The following TECPR2 variants were observed in gnomAD, a reference collection of about 807,000 sequenced individuals.
TECPR2 encodes tectonin beta-propeller repeat-containing protein 2.
A neutral mutation model predicts 138.1 loss-of-function variants in TECPR2; 65 were observed. The observed-to-expected ratio is 0.47, with a 90% CI of 0.39 to 0.58. The LOEUF (loss-of-function observed/expected upper bound fraction) is 0.58. TECPR2 is among the 20% of genes least tolerant of loss of function. TECPR2 has a pLI of 0.00. For synonymous variants in TECPR2, 746 were observed against 749.8 expected (o/e 0.99, Z 0.08); for missense variants, 1,553 against 1,824.5 (o/e 0.85, Z 2.71).
intron 8 of TECPR2, among the ~76,000 whole-genome samples, chr14:102,433,722 A>G (rs878887602): frequency 1.3e-5 from 2 of 151,960 alleles, no homozygotes; most frequent in Admixed American, 6.6e-5. Flanking sequence ...GGGGTTTACC[A>G]TGTTGGACAG....
intron 16 of TECPR2, among the ~76,000 whole-genome samples, chr14:102,454,006 G>A (rs1890217308): frequency 6.6e-6 from 1 of 152,004 alleles, no homozygotes; most frequent in South Asian, 2.1e-4. Context: ...AAAATTACCT[G>A]GGTGTGGTGG....
At chr14:102,488,357 G>C in intron 17 of TECPR2, among the ~76,000 whole-genome samples, 1 of 130,878 alleles carries the variant, frequency 7.6e-6, no homozygotes, top group African/African-American at 2.9e-5. Flanking sequence ...TTATTTTTTT[G>C]ATACGTAGTT....
At chr14:102,434,101 G>C in intron 8 of TECPR2, 134 bp from the exon 9 acceptor site, 1 of 743,584 alleles carries the variant, frequency 1.3e-6, no homozygotes, top group Non-Finnish European at 1.9e-6. Context: ...TTGTACTTAA[G>C]AGGTTTATTC....
At chr14:102,452,929 T>TGCCC (rs1890184930) in intron 16 of TECPR2, among the ~76,000 whole-genome samples, 2 of 152,300 alleles carry the variant, frequency 1.3e-5, no homozygotes, top group South Asian at 4.1e-4. Context: ...GTGATGCAGC[T>TGCCC]GCCCCGTCAG....
chr14:102,462,906 C>T (rs1175698656), intron 16 of TECPR2, among the ~76,000 whole-genome samples: 1 of 152,206 alleles, frequency 6.6e-6, no homozygotes, highest in African/African-American at 2.4e-5. Context: ...TGAACAGGCA[C>T]TTCACAAAAG....
At chr14:102,446,260 G>T (rs931745405) in intron 13 of TECPR2, among the ~76,000 whole-genome samples, 2 of 151,890 alleles carry the variant, frequency 1.3e-5, no homozygotes, top group Admixed American at 6.6e-5. Flanking sequence ...GTAGAGACAG[G>T]GTTTTGGCAT....
chr14:102,457,634 C>T (rs1367334246), intron 16 of TECPR2, among the ~76,000 whole-genome samples: 1 of 152,072 alleles, frequency 6.6e-6, no homozygotes, highest in African/African-American at 2.4e-5. Context: ...GTGGCTTACA[C>T]CTGTAATCCT....
chr14:102,453,486 A>C (rs944330713), intron 16 of TECPR2, among the ~76,000 whole-genome samples: 15 of 152,110 alleles, frequency 9.9e-5, no homozygotes, highest in African/African-American at 2.9e-4. Context: ...TTTCAAAAAA[A>C]AAAAAAGAAG....
At chr14:102,363,645 G>T (rs1328853494) in intron 1 of TECPR2, among the ~76,000 whole-genome samples, 2 of 152,266 alleles carry the variant, frequency 1.3e-5, no homozygotes, top group Non-Finnish European at 2.9e-5. Context: ...GGCAGAATAG[G>T]TAGTAAGTGT....
At chr14:102,465,431 C>G in intron 17 of TECPR2, 142 bp downstream of exon 17, 5 of 1,420,946 alleles carry the variant, frequency 3.5e-6, no homozygotes, top group African/African-American at 2.9e-5. Flanking sequence ...TCTACACACT[C>G]TCGTTCATCA....
chr14:102,431,534 G>C (rs1049385498), intron 7 of TECPR2, among the ~76,000 whole-genome samples: 2 of 152,016 alleles, frequency 1.3e-5, no homozygotes, highest in African/African-American at 4.8e-5. Context: ...AGTAGAGACG[G>C]GGTTTCACTG....
At chr14:102,390,803 AAT>A (rs10570260) in intron 2 of TECPR2, among the ~76,000 whole-genome samples, 52,041 of 148,254 alleles carry the variant, frequency 0.35, 8,991 homozygotes, top group Middle Eastern at 0.4. Context: ...TCAGGGGAAG[AAT>A]ATATATATAT....
intron 17 of TECPR2, among the ~76,000 whole-genome samples, chr14:102,486,688 C>T (rs1343191656): frequency 6.6e-6 from 1 of 152,220 alleles, no homozygotes; most frequent in Non-Finnish European, 1.5e-5. Context: ...CCATACCCAC[C>T]TCGTACCACG....
chr14:102,408,574 A>G lies in TECPR2; in HGVS notation c.435A>G (p.Gly145=). ...CCAATGGAATGAAATTGTTCTCTGG[A>G]GATGACAAAGGCAAAATTGTTTATT... ...WSPNGMKLFS[G]DDKGKIVYSS... is the part of the protein sequence containing the mutation. Residue 145 remains glycine (G), a synonymous_variant, in exon 4 of 20, where the codon GGA becomes GGG. Coordinates refer to ENST00000359520, the MANE Select transcript of TECPR2 (RefSeq NM_014844.5). 1.2e-6 allele frequency: 2 copies of G among 1,613,490 alleles called. No homozygotes were observed. The highest frequency in any genetic ancestry group is 1.7e-6 in the Non-Finnish European group (2 of 1,179,842).
intron 17 of TECPR2, among the ~76,000 whole-genome samples, chr14:102,490,551 C>T (rs997320893): frequency 2.6e-5 from 4 of 152,234 alleles, no homozygotes; most frequent in Non-Finnish European, 4.4e-5. Context: ...GAGGCGCCTT[C>T]CCGAGTCACC....
chr14:102,394,629 A>T (rs1294254683), intron 2 of TECPR2, among the ~76,000 whole-genome samples: 1 of 152,062 alleles, frequency 6.6e-6, no homozygotes, highest in Non-Finnish European at 1.5e-5. Context: ...AAATTAGTTA[A>T]CCTGTCTGGA....
At chr14:102,456,018 TG>T (rs1310168649) in intron 16 of TECPR2, among the ~76,000 whole-genome samples, 11 of 152,120 alleles carry the variant, frequency 7.2e-5, no homozygotes, top group African/African-American at 2.4e-4. Context: ...CCTCCCAACG[TG>T]CTGGGATTAC....
intron 15 of TECPR2, among the ~76,000 whole-genome samples, chr14:102,451,624 CGT>C (rs1458405401): frequency 1.3e-5 from 2 of 152,066 alleles, no homozygotes; most frequent in African/African-American, 4.8e-5. Flanking sequence ...CTGGCCCCTC[CGT>C]GGTTGTTTTG....
At chr14:102,365,723 G>A (rs936311143) in intron 1 of TECPR2, among the ~76,000 whole-genome samples, 1 of 152,186 alleles carries the variant, frequency 6.6e-6, no homozygotes, top group East Asian at 1.9e-4. Flanking sequence ...GAGAAGAAGC[G>A]TGTAGAGGGG....
Sources: gnomAD v4.1 joint callset for allele counts (sites outside exome capture counted in the v4.1 genomes callset) on GRCh38, gnomAD v4.1.1 for gene constraint, MANE v1.5 for transcripts, NCBI Gene and HGNC (gene_info 2026-07-23, HGNC 2026-07-21) for gene names.